Variants in SLC4A4 observed in about 807,000 individuals in gnomAD.
SLC4A4 encodes the protein solute carrier family 4 member 4.
Under a neutral mutation model 111.5 loss-of-function variants are expected in SLC4A4, and 27 were observed. That is an observed-to-expected ratio of 0.24 (90% CI 0.18 to 0.33). The LOEUF is 0.33. Ranked by LOEUF, SLC4A4 falls within the 10% of genes least tolerant of loss-of-function variation. The pLI, the probability that SLC4A4 is intolerant of heterozygous loss-of-function variation, is 1.00. For synonymous variants in SLC4A4, 443 were observed against 463.4 expected, an observed-to-expected ratio of 0.96 and a Z score of 0.57; for missense variants, 909 against 1,315.5, an observed-to-expected ratio of 0.69 and a Z score of 4.78.
intron 2 of SLC4A4, among the ~76,000 whole-genome samples, chr4:71,128,355 T>C (rs1021238122): frequency 6.6e-6 from 1 of 152,102 alleles, no homozygotes; most frequent in African/African-American, 2.4e-5. Flanking sequence ...CCCGCCCCCA[T>C]GATTCAGTCA....
chr4:71,107,554 T>C (rs1199279959), intron 2 of SLC4A4, among the ~76,000 whole-genome samples: 1 of 152,132 alleles, frequency 6.6e-6, no homozygotes, highest in East Asian at 1.9e-4. Flanking sequence ...TTCACCATGT[T>C]GGCCAGGCTG....
At chr4:71,464,140 A>G (rs1349541288) in intron 12 of SLC4A4, among the ~76,000 whole-genome samples, 2 of 152,170 alleles carry the variant, frequency 1.3e-5, no homozygotes, top group Non-Finnish European at 2.9e-5. Context: ...AATTATAAAG[A>G]CATAGAAAGC....
rs190948775 is a variant in SLC4A4, at chr4:71,224,642, T to A, written c.-1-11934T>A. 2.2e-4 allele frequency among the ~76,000 whole-genome samples: 33 copies of A among 152,302 alleles called. No homozygotes were observed. The East Asian group carries it at 6.4e-3, about 29-fold the overall frequency. ...TACCTAAGTGTTTGCTAAATAAAAA[T>A]AAAGACATTGATTTGGGGGGGATTG... On this transcript the variant is annotated intron_variant, in intron 1 of 25. Coordinates refer to ENST00000264485, the MANE Select transcript of SLC4A4 (RefSeq NM_001098484.3).
At chr4:71,422,912 C>A (rs558522887) in intron 7 of SLC4A4, among the ~76,000 whole-genome samples, 1 of 152,178 alleles carries the variant, frequency 6.6e-6, no homozygotes, top group South Asian at 2.1e-4. Flanking sequence ...GAAGCATTCC[C>A]TTTGAAAACT....
At chr4:71,514,775 T>A (rs1193067606) in intron 16 of SLC4A4, among the ~76,000 whole-genome samples, 1 of 152,200 alleles carries the variant, frequency 6.6e-6, no homozygotes, top group Non-Finnish European at 1.5e-5. Flanking sequence ...AGTTTATTAT[T>A]CTATACTTGT....
intron 2 of SLC4A4, among the ~76,000 whole-genome samples, chr4:71,241,564 GAGA>G (rs1720226225): frequency 1.3e-5 from 2 of 152,112 alleles, no homozygotes; most frequent in South Asian, 4.1e-4. Context: ...CGTAATTTCT[GAGA>G]AGGAGTGAAT....
chr4:71,426,159 T>C (rs1723111712), intron 7 of SLC4A4, among the ~76,000 whole-genome samples: 1 of 152,050 alleles, frequency 6.6e-6, no homozygotes, highest in African/African-American at 2.4e-5. Context: ...CAAAAAGTCT[T>C]AAAATCTCTG....
chr4:71,101,251 T>A (rs867426478), intron 2 of SLC4A4, among the ~76,000 whole-genome samples: 4 of 152,100 alleles, frequency 2.6e-5, no homozygotes, highest in African/African-American at 9.6e-5. Flanking sequence ...AGTGCAAGAC[T>A]CCGTCTCAAA....
intron 2 of SLC4A4, among the ~76,000 whole-genome samples, chr4:71,137,229 TAGAAGCCCTC>T (rs1299041202): frequency 1.3e-5 from 2 of 152,190 alleles, no homozygotes; most frequent in Admixed American, 1.3e-4. Context: ...GAAGTTATGA[TAGAAGCCCTC>T]ATCTTTCACC....
chr4:71,430,538 C>T (rs957507842), intron 7 of SLC4A4, among the ~76,000 whole-genome samples: 4 of 152,084 alleles, frequency 2.6e-5, no homozygotes, highest in South Asian at 2.1e-4. Flanking sequence ...TGTATCTGGG[C>T]TCTGCAGTAG....
chr4:71,153,864 C>T (rs1406613851), intron 2 of SLC4A4, among the ~76,000 whole-genome samples: 2 of 152,154 alleles, frequency 1.3e-5, no homozygotes, highest in Non-Finnish European at 2.9e-5. Flanking sequence ...TTGTTCTTGT[C>T]ACCAGTGGGC....
At chr4:71,093,786 T>C in intron 2 of SLC4A4, among the ~76,000 whole-genome samples, 1 of 152,196 alleles carries the variant, frequency 6.6e-6, no homozygotes, top group Admixed American at 6.5e-5. Context: ...TTGTTGGTCT[T>C]ACAATGGTGG....
chr4:71,398,421 A>G (rs1720038744), intron 7 of SLC4A4, among the ~76,000 whole-genome samples: 1 of 152,190 alleles, frequency 6.6e-6, no homozygotes, highest in Non-Finnish European at 1.5e-5. Context: ...ATATAGTTGA[A>G]TGAAGAGCAA....
intron 3 of SLC4A4, among the ~76,000 whole-genome samples, chr4:71,331,677 A>G (rs966500900): frequency 1.3e-5 from 2 of 151,614 alleles, no homozygotes; most frequent in African/African-American, 4.9e-5. Flanking sequence ...ACATGTATAC[A>G]TATGTAACAA....
chr4:71,264,272 A>T (rs1267244393), intron 3 of SLC4A4, among the ~76,000 whole-genome samples: 2 of 152,136 alleles, frequency 1.3e-5, no homozygotes, highest in East Asian at 3.8e-4. Context: ...TCTATTATTT[A>T]AAAAAACACA....
chr4:71,263,002 A>C (rs1461181453), intron 3 of SLC4A4, among the ~76,000 whole-genome samples: 2 of 136,708 alleles, frequency 1.5e-5, no homozygotes, highest in Non-Finnish European at 1.6e-5. Flanking sequence ...TCCTAATGCT[A>C]TCCCTCCCCC....
At chr4:71,062,773 T>C (rs1741422084) in exon 1 of SLC4A4, among the ~76,000 whole-genome samples, 1 of 152,172 alleles carries the variant, frequency 6.6e-6, no homozygotes, top group Admixed American at 6.6e-5. Flanking sequence ...CACAGACAAT[T>C]TGAAGGACAT....
intron 3 of SLC4A4, chr4:71,338,914 G>T: frequency 2.1e-6 from 1 of 476,094 alleles, no homozygotes; most frequent in Non-Finnish European, 3.5e-6. Context: ...GCATTGGACA[G>T]AGGGAGGGTG....
intron 6 of SLC4A4, among the ~76,000 whole-genome samples, chr4:71,384,352 G>A (rs558355984): frequency 6.6e-6 from 1 of 152,102 alleles, no homozygotes; most frequent in East Asian, 1.9e-4. Context: ...AGGCATTATG[G>A]GTCCAGAGGT....
Sources: allele counts gnomAD v4.1 joint callset (sites outside exome capture counted in the v4.1 genomes callset), GRCh38; gene constraint gnomAD v4.1.1; transcripts MANE v1.5; gene names NCBI Gene and HGNC (gene_info 2026-07-23, HGNC 2026-07-21).